WWOX: variants seen among roughly 807,000 people sequenced by gnomAD.
WWOX encodes the protein WW domain-containing oxidoreductase.
In WWOX, 69 loss-of-function variants were observed where a neutral mutation model predicts 46.2. The observed-to-expected ratio is 1.49, with a 90% CI of 1.23 to 1.82. The LOEUF is 1.82. Ranked by LOEUF, WWOX falls within the 40% of genes most tolerant of loss-of-function variation. The pLI, the probability that WWOX is intolerant of heterozygous loss-of-function variation, is 0.00. For missense variants in WWOX, 919 were observed against 542.6 expected (o/e 1.69, Z -6.89); for synonymous variants, 359 against 202.6 (o/e 1.77, Z -6.56).
chr16:79,082,695 A>T (rs2048783425), intron 8 of WWOX, among the ~76,000 whole-genome samples: 1 of 152,150 alleles, frequency 6.6e-6, no homozygotes, highest in African/African-American at 2.4e-5. Flanking sequence ...GCACATTTGG[A>T]CATCTGTGCA....
intron 8 of WWOX, among the ~76,000 whole-genome samples, chr16:79,144,939 A>C (rs2050157059): frequency 6.6e-6 from 1 of 152,174 alleles, no homozygotes; most frequent in Admixed American, 6.5e-5. Context: ...ATAGGAAGAA[A>C]TGAAATATAT....
chr16:78,643,498 T>C (rs1045720326), intron 8 of WWOX, among the ~76,000 whole-genome samples: 2 of 152,172 alleles, frequency 1.3e-5, no homozygotes, highest in African/African-American at 4.8e-5. Flanking sequence ...ACTTCTAACA[T>C]GTCCAGCTTT....
intron 8 of WWOX, among the ~76,000 whole-genome samples, chr16:78,776,664 A>T (rs1237312436): frequency 6.6e-6 from 1 of 152,180 alleles, no homozygotes; most frequent in African/African-American, 2.4e-5. Flanking sequence ...TGGGAAATTT[A>T]TAAAGAAAAG....
At chr16:78,851,394 C>T (rs937992094) in intron 8 of WWOX, among the ~76,000 whole-genome samples, 1 of 152,142 alleles carries the variant, frequency 6.6e-6, no homozygotes, top group African/African-American at 2.4e-5. Context: ...TACTTATAGG[C>T]AGAAGTACGG....
At chr16:78,890,086 C>T (rs1385108427) in intron 8 of WWOX, 6 of 152,056 alleles carry the variant, frequency 3.9e-5, no homozygotes, top group Non-Finnish European at 8.8e-5. Flanking sequence ...TAGGGAAATA[C>T]ACATACACAC....
chr16:78,450,993 A>G (rs770644062), intron 8 of WWOX, among the ~76,000 whole-genome samples: 1 of 152,222 alleles, frequency 6.6e-6, no homozygotes, highest in Non-Finnish European at 1.5e-5. Context: ...GTAGAATAAT[A>G]TATTGGATTC....
chr16:78,653,913 C>T (rs138772856), intron 8 of WWOX, among the ~76,000 whole-genome samples: 53 of 152,274 alleles, frequency 3.5e-4, no homozygotes, highest in Admixed American at 1.1e-3. Flanking sequence ...TCTAATCACG[C>T]GAGAGGTCTG....
chr16:78,807,261 G>C (rs1019872179), intron 8 of WWOX, among the ~76,000 whole-genome samples: 17 of 152,276 alleles, frequency 1.1e-4, no homozygotes, highest in African/African-American at 3.9e-4. Context: ...GTGAAGGTCA[G>C]GCAGGAAACA....
chr16:78,100,902 A>G (rs1254810773), intron 1 of WWOX, among the ~76,000 whole-genome samples: 1 of 152,316 alleles, frequency 6.6e-6, no homozygotes, highest in East Asian at 1.9e-4. Context: ...CCGACTCTCA[A>G]CTTTGGGAGT....
At chr16:79,205,617 C>T (rs1177487615) in intron 8 of WWOX, 1 of 152,148 alleles carries the variant, frequency 6.6e-6, no homozygotes, top group African/African-American at 2.4e-5. Context: ...TGAGTGCATT[C>T]CTCTTCTATA....
chr16:78,161,873 A>G (rs2034806568), intron 4 of WWOX, among the ~76,000 whole-genome samples: 1 of 152,226 alleles, frequency 6.6e-6, no homozygotes. Flanking sequence ...CCTGGAGAAG[A>G]CAAGAACCTT....
At chr16:78,733,187 A>G (rs983695943) in intron 8 of WWOX, among the ~76,000 whole-genome samples, 1 of 152,244 alleles carries the variant, frequency 6.6e-6, no homozygotes, top group African/African-American at 2.4e-5. Flanking sequence ...AGATTCTATA[A>G]TACTAAAGTA....
chr16:78,537,460 C>T (rs1368331431), intron 8 of WWOX, among the ~76,000 whole-genome samples: 3 of 152,128 alleles, frequency 2.0e-5, no homozygotes, highest in African/African-American at 7.2e-5. Flanking sequence ...ATACCTACTG[C>T]CTTTTAATTT....
intron 8 of WWOX, among the ~76,000 whole-genome samples, chr16:78,596,191 C>T (rs369144790): frequency 6.6e-6 from 1 of 152,190 alleles, no homozygotes; most frequent in Admixed American, 6.5e-5. Context: ...ATCAACAAAA[C>T]AAAACATGAT....
Position 78,641,895 on chromosome 16 carries a change from A to G in WWOX, c.1056+209143A>G, listed in dbSNP as rs1280957687. 3.9e-5 allele frequency among the ~76,000 whole-genome samples: 6 copies of G among 152,244 alleles called. No individual in the cohort carries two copies. In the South Asian group the frequency reaches 1.2e-3, roughly 31 times the overall value. On this transcript the variant is annotated intron_variant, in intron 8 of 8. Transcript: ENST00000566780. ...GCCGAAATTATTTCTGTGCACAGGCAGTATTAGAGGAGTGGCTTACCAAAT... is the reference window on the plus strand; with the variant it reads ...GCCGAAATTATTTCTGTGCACAGGCGGTATTAGAGGAGTGGCTTACCAAAT...
At chr16:78,318,504 A>G (rs1281982893) in intron 5 of WWOX, among the ~76,000 whole-genome samples, 3 of 152,286 alleles carry the variant, frequency 2.0e-5, no homozygotes, top group African/African-American at 7.2e-5. Context: ...TTCCTTAACT[A>G]AATTGGAGTT....
At chr16:78,949,743 C>G (rs1597193612) in intron 8 of WWOX, among the ~76,000 whole-genome samples, 1 of 152,198 alleles carries the variant, frequency 6.6e-6, no homozygotes, top group Non-Finnish European at 1.5e-5. Flanking sequence ...GGGGCAAACA[C>G]AACAAGTAAA....
At chr16:78,663,009 A>G (rs1470949714) in intron 8 of WWOX, among the ~76,000 whole-genome samples, 1 of 152,162 alleles carries the variant, frequency 6.6e-6, no homozygotes. Context: ...GACTGAGATT[A>G]TTCAGTACTG....
chr16:78,686,820 C>A (rs191728164), intron 8 of WWOX, among the ~76,000 whole-genome samples: 1 of 152,262 alleles, frequency 6.6e-6, no homozygotes, highest in African/African-American at 2.4e-5. Context: ...TTTCTCTGGC[C>A]AGGAGACAGG....
Sources: gnomAD v4.1 joint callset for allele counts (sites outside exome capture counted in the v4.1 genomes callset) on GRCh38, gnomAD v4.1.1 for gene constraint, MANE v1.5 for transcripts, NCBI Gene and HGNC (gene_info 2026-07-23, HGNC 2026-07-21) for gene names.